NUP98: variants seen among roughly 807,000 people sequenced by gnomAD.
The protein encoded by NUP98 is nucleoporin 98 and 96 precursor, also known as nuclear pore complex protein Nup98-Nup96.
In NUP98, 26 loss-of-function variants were observed where a neutral mutation model predicts 191.9. The observed-to-expected ratio is 0.14, with a 90% confidence interval of 0.10 to 0.19. The LOEUF (loss-of-function observed/expected upper bound fraction) is 0.19, where lower values mean the gene tolerates loss of function less well. Among genes scored for constraint, NUP98 ranks in the 10% least tolerant of loss-of-function variants. NUP98 has a pLI of 1.00. For missense variants in NUP98, 1,941 were observed against 2,178.8 expected (o/e 0.89, Z 2.17); for synonymous variants, 808 against 778.4 (o/e 1.04, Z -0.63).
intron 18 of NUP98, among the ~76,000 whole-genome samples, chr11:3,716,383 T>C (rs2079183317): frequency 6.6e-6 from 1 of 152,036 alleles, no homozygotes; most frequent in Admixed American, 6.6e-5. Flanking sequence ...CACACCACCC[T>C]GCCCCCGAGT....
intron 21 of NUP98, 21 bp downstream of exon 21, chr11:3,706,424 A>G (rs756983415): frequency 5.6e-6 from 9 of 1,612,202 alleles, no homozygotes; most frequent in African/African-American, 2.7e-5. Context: ...CTGTTACAAA[A>G]AAGGTGGGTT....
chr11:3,767,961 G>A (rs1001342685), intron 8 of NUP98, among the ~76,000 whole-genome samples: 1 of 152,106 alleles, frequency 6.6e-6, no homozygotes, highest in African/African-American at 2.4e-5. Context: ...AATGGCTGTA[G>A]TCAATTTTCC....
rs1256478176 is a variant in NUP98, at chr11:3,778,925, GAGACTGGTCCCTGTGCTT to G, written c.285_302del (p.Ser96_Leu101del). The G allele has an allele frequency of 1.2e-6, 2 of 1,614,226 alleles. No homozygotes were observed. Among genetic ancestry groups the G allele is most frequent in the Admixed American group, 3.3e-5 (2 of 60,020 alleles). ...CAAAGGCATTGTTTTGGGATGAGAA[GAGACTGGTCCCTGTGCTT>G]GCAGTTCCAAACAAGGTATTTGCTG... On this transcript the variant is annotated inframe_deletion, in exon 4 of 33. Coordinates refer to ENST00000324932, the MANE Select transcript of NUP98 (RefSeq NM_016320.5).
At chr11:3,759,428 C>G (rs2081088709) in intron 10 of NUP98, among the ~76,000 whole-genome samples, 1 of 152,032 alleles carries the variant, frequency 6.6e-6, no homozygotes. Flanking sequence ...GAAACCTTGT[C>G]TCTACTAAAA....
In NUP98 at chr11:3,705,298, C is replaced by T. The variant is rs138515480; in HGVS notation, c.2984G>A (p.Arg995His). ...TGCTTTGGAAGGCAGGCGACTGAAG[C>T]GTTGATCCAGTGCCATATCTACATC... ...EEDVDMALDQ[R>H]FSRLPSKADT... Residue 995 changes from arginine (R) to histidine (H), a missense_variant, in exon 22 of 33, where the codon CGC (arginine) becomes CAC (histidine). Around this residue, in one of 6 missense-constraint regions of NUP98, gnomAD observed 1,030 missense variants for 1,115.8 expected, o/e 0.92. Transcript: ENST00000324932. The T allele has an allele frequency of 9.9e-6, 16 of 1,613,978 alleles. No individual in the cohort carries two copies. The highest frequency in any genetic ancestry group is 6.7e-5 in the African/African-American group (5 of 74,910).
rs751965989 is a variant in NUP98, at chr11:3,723,309, T to C, written c.1994A>G (p.Asn665Ser). 4.6e-5 allele frequency: 75 copies of C among 1,614,084 alleles called. No homozygotes were observed. The highest frequency in any genetic ancestry group is 6.7e-5 in the Admixed American group (4 of 59,992). ...ESAGNKHSNS[N>S]SVDDTIVALN... Reference sequence around the variant, plus strand: ...TGCAACAATGGTATCATCCACACTGTTGCTGTTGCTGTGTTTATTTCCAGC... The same window carrying C: ...TGCAACAATGGTATCATCCACACTGCTGCTGTTGCTGTGTTTATTTCCAGC... Residue 665 changes from asparagine to serine, a missense_variant, in exon 16 of 33, where the codon AAC becomes AGC. This residue lies in a region of NUP98 where 453 missense variants were observed against 438.2 expected (regional missense o/e 1.03). Transcript: ENST00000324932.
Position 3,699,268 on chromosome 11 carries a change from C to CA in NUP98, c.3822dup (p.Glu1275Ter), listed in dbSNP as rs1466719161. On this transcript the variant is annotated frameshift_variant, in exon 25 of 33. Transcript: ENST00000324932. LOFTEE classifies it high-confidence loss of function. ...AGAATTTGAATGTATTCACGGGGTT[C>CA]ATTTAGCTGGCTGTCAAGCTCCTTC... is the stretch of plus-strand genomic sequence containing the variant. 1 of 1,614,198 alleles carries CA rather than the reference C, an allele frequency of 6.2e-7. No homozygotes were observed. The highest frequency in any genetic ancestry group is 1.7e-5 in the Admixed American group (1 of 60,012).
intron 9 of NUP98, 52 bp from the exon 10 acceptor site, chr11:3,760,678 A>G: frequency 6.7e-7 from 1 of 1,503,488 alleles, no homozygotes; most frequent in Non-Finnish European, 9.1e-7. Flanking sequence ...GACACACACC[A>G]AACTAAATAC....
chr11:3,733,005 C>G (rs2079902722), intron 13 of NUP98, among the ~76,000 whole-genome samples: 1 of 152,192 alleles, frequency 6.6e-6, no homozygotes, highest in Non-Finnish European at 1.5e-5. Flanking sequence ...ATCCAAGCAT[C>G]TATGATCTTT....
Position 3,676,088 on chromosome 11 carries a change from A to G in NUP98, c.*71T>C. 1 of 1,452,884 alleles carries G rather than the reference A, an allele frequency of 6.9e-7. No homozygotes were observed. Among genetic ancestry groups the G allele is most frequent in the South Asian group, 1.2e-5 (1 of 81,516 alleles). 90.0% of individuals were successfully genotyped at this position (1,452,884 alleles called of 1,614,324 possible). On this transcript the variant is annotated 3_prime_UTR_variant, in exon 33 of 33. Transcript: ENST00000324932. The stretch of plus-strand genomic sequence containing the variant: ...AACCCAGAGAATGGCAAACAGTGCC[A>G]ATCCAAACAAGGCAGGGAACCTCTG...
intron 11 of NUP98, among the ~76,000 whole-genome samples, chr11:3,749,828 C>T (rs2011240122): frequency 1.3e-5 from 2 of 150,990 alleles, no homozygotes; most frequent in Non-Finnish European, 2.9e-5. Flanking sequence ...TATGAAAAGA[C>T]AAAAAAGCCC....
chr11:3,759,265 C>A (rs931664563), intron 10 of NUP98, among the ~76,000 whole-genome samples: 1 of 152,136 alleles, frequency 6.6e-6, no homozygotes, highest in African/African-American at 2.4e-5. Context: ...CTGACAGATG[C>A]TGAATTTTGA....
intron 28 of NUP98, among the ~76,000 whole-genome samples, chr11:3,689,148 G>A (rs1442458683): frequency 2.6e-5 from 4 of 152,036 alleles, no homozygotes; most frequent in East Asian, 3.9e-4. Context: ...TGAAAGGATC[G>A]CCTGAACCCG....
At chr11:3,722,954 C>A (rs1378350905) in intron 16 of NUP98, among the ~76,000 whole-genome samples, 1 of 152,180 alleles carries the variant, frequency 6.6e-6, no homozygotes, top group African/African-American at 2.4e-5. Flanking sequence ...TATCAATTTT[C>A]ATACTCTAAG....
chr11:3,696,506 C>CG (rs1270634847), intron 25 of NUP98, among the ~76,000 whole-genome samples: 64 of 148,814 alleles, frequency 4.3e-4, no homozygotes, highest in African/African-American at 1.5e-3. Context: ...TGTCTTGGTG[C>CG]AGGGGGGAGG....
chr11:3,701,664 T>C (rs2078681858), intron 23 of NUP98, among the ~76,000 whole-genome samples: 1 of 151,990 alleles, frequency 6.6e-6, no homozygotes, highest in East Asian at 1.9e-4. Flanking sequence ...TCAAGAGACA[T>C]TGTTGTTTTT....
intron 20 of NUP98, chr11:3,711,843 A>G (rs1337548471): frequency 1.9e-6 from 2 of 1,032,610 alleles, no homozygotes; most frequent in African/African-American, 3.4e-5. Flanking sequence ...AATGCCTCCT[A>G]AGAGATTATT....
At chr11:3,745,510 T>C (rs1472602761) in intron 11 of NUP98, among the ~76,000 whole-genome samples, 1 of 152,120 alleles carries the variant, frequency 6.6e-6, no homozygotes, top group East Asian at 1.9e-4. Context: ...ATTTTAGAAG[T>C]GTAAAACGGG....
chr11:3,744,753 G>T, intron 11 of NUP98, 104 bp from the exon 12 acceptor site: 1 of 1,308,236 alleles, frequency 7.6e-7, no homozygotes, highest in Non-Finnish European at 1.0e-6. Flanking sequence ...ACTTCATAGT[G>T]ACCACTCATT....
Sources: gnomAD v4.1 joint callset for allele counts (sites outside exome capture counted in the v4.1 genomes callset) on GRCh38, gnomAD v4.1.1 for gene constraint, gnomAD v4.1.1 regional missense constraint, MANE v1.5 for transcripts, NCBI Gene and HGNC (gene_info 2026-07-23, HGNC 2026-07-21) for gene names.